Variants in HLCS observed in about 807,000 individuals in gnomAD.
The protein encoded by HLCS is biotin--protein ligase.
HLCS carries 53 observed loss-of-function variants against 75.0 expected under a neutral mutation model. The ratio of observed to expected loss-of-function variants is 0.71; its 90% CI spans 0.57 to 0.89. HLCS has a LOEUF of 0.89. Ranked by LOEUF, HLCS falls within the 40% of genes least tolerant of loss-of-function variation. HLCS has a pLI of 0.00. For missense variants in HLCS, 966 were observed against 1,074.0 expected (o/e 0.90, Z 1.41); for synonymous variants, 431 against 428.6 (o/e 1.01, Z -0.07).
intron 6 of HLCS, among the ~76,000 whole-genome samples, chr21:36,779,280 C>T (rs1348022027): frequency 2.0e-5 from 3 of 152,016 alleles, no homozygotes; most frequent in Admixed American, 6.6e-5. Flanking sequence ...TATTTCCTTC[C>T]GTCCATCCAT....
intron 6 of HLCS, among the ~76,000 whole-genome samples, chr21:36,886,336 G>C (rs559736295): frequency 9.9e-4 from 149 of 151,010 alleles, no homozygotes; most frequent in African/African-American, 3.5e-3. Flanking sequence ...GGGAGGCTGA[G>C]GCAGAAGAAT....
intron 2 of HLCS, among the ~76,000 whole-genome samples, chr21:36,955,077 A>G (rs926490096): frequency 1.3e-5 from 2 of 152,088 alleles, no homozygotes; most frequent in Non-Finnish European, 2.9e-5. Flanking sequence ...AACCCAACAA[A>G]ACAGTTAACT....
rs527920787 is a variant in HLCS, at chr21:36,786,951, C to T, written c.1893-19666G>A. On this transcript the variant is annotated intron_variant, in intron 6 of 10. Coordinates refer to ENST00000674895, the MANE Select transcript of HLCS (RefSeq NM_001352514.2). ...GAGTCCAGGCGGGGATGGCTCACTT[C>T]GGCAGGGGTGGTCGGGGCCCAGCAC... Among the ~76,000 whole-genome samples, 125 of 152,288 alleles carry T rather than the reference C, an allele frequency of 8.2e-4. 1 individual carries two copies. In the South Asian group the frequency reaches 0.015, roughly 18 times the overall value.
intron 6 of HLCS, among the ~76,000 whole-genome samples, chr21:36,774,555 G>A (rs1200699739): frequency 6.6e-6 from 1 of 152,104 alleles, no homozygotes; most frequent in Non-Finnish European, 1.5e-5. Context: ...CTCCTCTTGG[G>A]GATAAGGAGG....
intron 6 of HLCS, among the ~76,000 whole-genome samples, chr21:36,874,408 ATAAAATAAAAT>A (rs1337491394): frequency 8.1e-5 from 12 of 147,398 alleles, no homozygotes; most frequent in African/African-American, 1.8e-4. Context: ...TCTCAAAAAA[ATAAAATAAAAT>A]AAAATAAAAT....
intron 6 of HLCS, among the ~76,000 whole-genome samples, chr21:36,835,185 T>C (rs1235274746): frequency 2.0e-5 from 3 of 152,204 alleles, no homozygotes; most frequent in African/African-American, 7.2e-5. Context: ...CTGATTCAGA[T>C]GATCAGTAAA....
chr21:36,797,912 C>T (rs1007847731), intron 6 of HLCS, among the ~76,000 whole-genome samples: 3 of 152,100 alleles, frequency 2.0e-5, no homozygotes, highest in Non-Finnish European at 2.9e-5. Flanking sequence ...AGTAGGCTTA[C>T]GTTCTGGCAG....
intron 6 of HLCS, among the ~76,000 whole-genome samples, chr21:36,800,678 G>A (rs1009166450): frequency 1.3e-5 from 2 of 152,100 alleles, no homozygotes; most frequent in African/African-American, 2.4e-5. Flanking sequence ...GGGGTTCCAC[G>A]GACTATGGCT....
intron 9 of HLCS, among the ~76,000 whole-genome samples, chr21:36,758,588 C>G (rs572159598): frequency 1.3e-5 from 2 of 152,136 alleles, no homozygotes; most frequent in Non-Finnish European, 2.9e-5. Context: ...TCGCTTACCC[C>G]ACGCTGATAA....
intron 6 of HLCS, among the ~76,000 whole-genome samples, chr21:36,785,159 C>T (rs564327278): frequency 9.2e-5 from 14 of 152,180 alleles, no homozygotes; most frequent in African/African-American, 3.4e-4. Flanking sequence ...TCACCTTCCT[C>T]TTTCCCTCTC....
chr21:36,904,643 C>T (rs888520981), intron 5 of HLCS, among the ~76,000 whole-genome samples: 2 of 152,182 alleles, frequency 1.3e-5, no homozygotes, highest in African/African-American at 2.4e-5. Context: ...ACTTTCTCCC[C>T]GCTCCACCAT....
chr21:36,805,954 G>C (rs542701527), intron 6 of HLCS: 4 of 152,306 alleles, frequency 2.6e-5, no homozygotes, highest in East Asian at 1.9e-4. Flanking sequence ...CAGGGACAAT[G>C]GTGGCTCCTA....
intron 6 of HLCS, among the ~76,000 whole-genome samples, chr21:36,770,261 C>T (rs1568983839): frequency 6.6e-6 from 1 of 151,318 alleles, no homozygotes; most frequent in Non-Finnish European, 1.5e-5. Flanking sequence ...ATTCTCCTGC[C>T]TCAGCCTCCC....
chr21:36,878,573 C>G (rs2064076716), intron 6 of HLCS, among the ~76,000 whole-genome samples: 1 of 152,156 alleles, frequency 6.6e-6, no homozygotes, highest in Admixed American at 6.5e-5. Flanking sequence ...AAAGGTATTA[C>G]TGCCCACAAT....
chr21:36,868,657 A>G (rs2063657641), intron 6 of HLCS, among the ~76,000 whole-genome samples: 1 of 151,904 alleles, frequency 6.6e-6, no homozygotes, highest in Non-Finnish European at 1.5e-5. Context: ...AAAAATAGTC[A>G]TAAAAAAAAA....
intron 6 of HLCS, among the ~76,000 whole-genome samples, chr21:36,779,072 G>A (rs1440611336): frequency 6.6e-6 from 1 of 151,864 alleles, no homozygotes; most frequent in African/African-American, 2.4e-5. Flanking sequence ...CATTACAATT[G>A]TCCCTTGGTA....
chr21:36,977,449 A>G (rs1216159061), intron 1 of HLCS, among the ~76,000 whole-genome samples: 1 of 152,186 alleles, frequency 6.6e-6, no homozygotes, highest in Non-Finnish European at 1.5e-5. Context: ...TATGTTCATC[A>G]TTGTCTTCCT....
intron 6 of HLCS, among the ~76,000 whole-genome samples, chr21:36,774,858 G>C (rs561132285): frequency 6.6e-6 from 1 of 152,226 alleles, no homozygotes; most frequent in Non-Finnish European, 1.5e-5. Context: ...TGACTGCTTA[G>C]AAACACTGTT....
chr21:36,866,960 T>A (rs1356198068), intron 6 of HLCS, among the ~76,000 whole-genome samples: 1 of 152,152 alleles, frequency 6.6e-6, no homozygotes, highest in Non-Finnish European at 1.5e-5. Flanking sequence ...AGGGGGCAGT[T>A]ACCCTCCCTT....
Sources: gnomAD v4.1 joint callset for allele counts (sites outside exome capture counted in the v4.1 genomes callset) on GRCh38, gnomAD v4.1.1 for gene constraint, MANE v1.5 for transcripts, NCBI Gene and HGNC (gene_info 2026-07-23, HGNC 2026-07-21) for gene names.